Variants in SLC4A4 observed in about 807,000 individuals in gnomAD.
SLC4A4 encodes electrogenic sodium bicarbonate cotransporter 1.
SLC4A4 carries 27 observed loss-of-function variants against 111.5 expected under a neutral mutation model. That is an observed-to-expected ratio of 0.24 (90% confidence interval 0.18 to 0.33). The LOEUF (loss-of-function observed/expected upper bound fraction) is 0.33, where lower values mean the gene tolerates loss of function less well. Ranked by LOEUF, SLC4A4 falls within the 10% of genes least tolerant of loss-of-function variation. SLC4A4 has a pLI of 1.00. For synonymous variants in SLC4A4, 443 were observed against 463.4 expected (o/e 0.96, Z 0.57); for missense variants, 909 against 1,315.5 (o/e 0.69, Z 4.78).
At chr4:71,238,110 G>T (rs1481500839) in intron 2 of SLC4A4, among the ~76,000 whole-genome samples, 5 of 152,172 alleles carry the variant, frequency 3.3e-5, no homozygotes, top group Non-Finnish European at 7.4e-5. Flanking sequence ...AAGAAATAAT[G>T]TAGCTTTGAG....
At chr4:71,334,342 C>T (rs1728257630) in intron 3 of SLC4A4, among the ~76,000 whole-genome samples, 1 of 152,068 alleles carries the variant, frequency 6.6e-6, no homozygotes, top group Admixed American at 6.6e-5. Flanking sequence ...GGCCTTAAGA[C>T]TCTGCCTAGT....
rs147871593 is a variant in SLC4A4, at chr4:71,236,998, A to G, written c.73+349A>G. ...AAAGCTGCTCGATTTATATAAATATATTCAGCAGCATCTTTAATATTCTTT... is the reference window on the plus strand; with the variant it reads ...AAAGCTGCTCGATTTATATAAATATGTTCAGCAGCATCTTTAATATTCTTT... On this transcript the variant is annotated intron_variant, in intron 2 of 25. Transcript: ENST00000264485. Among the ~76,000 whole-genome samples, 585 of 152,368 alleles carry G rather than the reference A, an allele frequency of 3.8e-3. 2 individuals are homozygous for G. Among genetic ancestry groups the G allele is most frequent in the African/African-American group, 0.01 (435 of 41,588 alleles).
chr4:71,183,234 C>T (rs1361019584), upstream of SLC4A4, among the ~76,000 whole-genome samples: 2 of 152,094 alleles, frequency 1.3e-5, no homozygotes, highest in Non-Finnish European at 2.9e-5. Context: ...AGTTAGAACC[C>T]TCTACTGATA....
At chr4:71,566,440 C>T (rs1410823268) in intron 24 of SLC4A4, among the ~76,000 whole-genome samples, 2 of 151,490 alleles carry the variant, frequency 1.3e-5, no homozygotes, top group Admixed American at 6.6e-5. Flanking sequence ...AGTTTATGTG[C>T]CATTTGCCCT....
intron 2 of SLC4A4, among the ~76,000 whole-genome samples, chr4:71,094,669 T>A (rs1048699703): frequency 6.6e-6 from 1 of 152,254 alleles, no homozygotes; most frequent in Non-Finnish European, 1.5e-5. Context: ...ACATGCAGTA[T>A]GGCTAATAAA....
Position 71,546,446 on chromosome 4 carries a change from A to G in SLC4A4, c.2539A>G (p.Ile847Val). The G allele has an allele frequency of 6.2e-7, 1 of 1,612,848 alleles. No individual in the cohort carries two copies. The highest frequency in any genetic ancestry group is 8.5e-7 in the Non-Finnish European group (1 of 1,179,186). Residue 847 changes from isoleucine (I) to valine (V), a missense_variant, in exon 19 of 26, where the codon ATC (isoleucine) becomes GTC (valine). Coordinates refer to ENST00000264485, the MANE Select transcript of SLC4A4 (RefSeq NM_001098484.3). ...ALPWYVAATV[I>V]SIAHIDSLKM... Reference sequence around the variant, plus strand: ...TCCGTGGTATGTAGCTGCTACGGTCATCTCCATTGCTCACATCGACAGTTT... The same window carrying G: ...TCCGTGGTATGTAGCTGCTACGGTCGTCTCCATTGCTCACATCGACAGTTT...
At chr4:71,478,937 T>A (rs1439036882) in intron 14 of SLC4A4, among the ~76,000 whole-genome samples, 1 of 151,786 alleles carries the variant, frequency 6.6e-6, no homozygotes, top group Non-Finnish European at 1.5e-5. Context: ...ATTTGCCTAA[T>A]GTGTAAATCT....
chr4:71,215,209 T>C (rs1328900011), intron 1 of SLC4A4, among the ~76,000 whole-genome samples: 1 of 152,186 alleles, frequency 6.6e-6, no homozygotes, highest in African/African-American at 2.4e-5. Context: ...TAGTACAGGG[T>C]AGACTAAAAC....
chr4:71,532,879 C>T (rs1306890012), intron 17 of SLC4A4, among the ~76,000 whole-genome samples: 1 of 152,052 alleles, frequency 6.6e-6, no homozygotes, highest in Admixed American at 6.6e-5. Flanking sequence ...ACCTACCACA[C>T]GCATGTATAT....
At chr4:71,234,245 T>A (rs2149035232) in intron 1 of SLC4A4, among the ~76,000 whole-genome samples, 1 of 152,372 alleles carries the variant, frequency 6.6e-6, no homozygotes, top group Admixed American at 6.5e-5. Flanking sequence ...GTTCATCTAT[T>A]CAGTATTAAT....
chr4:71,379,407 A>G (rs1717871098), intron 6 of SLC4A4, among the ~76,000 whole-genome samples: 1 of 152,072 alleles, frequency 6.6e-6, no homozygotes, highest in Non-Finnish European at 1.5e-5. Flanking sequence ...TCACTTATTC[A>G]TGCTGTTCCA....
At chr4:71,339,335 G>A in intron 3 of SLC4A4, 35 bp from the exon 4 acceptor site, 1 of 1,614,210 alleles carries the variant, frequency 6.2e-7, no homozygotes, top group South Asian at 1.1e-5. Context: ...GGGTTGTCCA[G>A]CCAATGTTTA....
intron 2 of SLC4A4, among the ~76,000 whole-genome samples, chr4:71,168,255 C>G (rs193237602): frequency 7.3e-6 from 1 of 137,282 alleles, no homozygotes; most frequent in Non-Finnish European, 1.5e-5. Context: ...AATCTCGGTT[C>G]ACCGTAACCT....
chr4:71,397,896 TA>T (rs1467945986), intron 7 of SLC4A4, among the ~76,000 whole-genome samples: 3 of 152,222 alleles, frequency 2.0e-5, no homozygotes, highest in Non-Finnish European at 4.4e-5. Context: ...CTTAAAGCAA[TA>T]GTTGTCTCAG....
chr4:71,206,269 G>T (rs2149007449), intron 1 of SLC4A4, among the ~76,000 whole-genome samples: 1 of 148,120 alleles, frequency 6.8e-6, no homozygotes, highest in Non-Finnish European at 1.5e-5. Flanking sequence ...AAGACCAAAA[G>T]ACTAGGGTAT....
chr4:71,150,287 A>C (rs1744280306), intron 2 of SLC4A4, among the ~76,000 whole-genome samples: 1 of 152,070 alleles, frequency 6.6e-6, no homozygotes, highest in Non-Finnish European at 1.5e-5. Context: ...AATGGGTGAA[A>C]TAGCAACTGG....
At chr4:71,323,205 A>G (rs1298347831) in intron 3 of SLC4A4, among the ~76,000 whole-genome samples, 1 of 152,022 alleles carries the variant, frequency 6.6e-6, no homozygotes, top group African/African-American at 2.4e-5. Flanking sequence ...ATTTTAGAAA[A>G]TTTAGAACTT....
intron 25 of SLC4A4, among the ~76,000 whole-genome samples, chr4:71,567,417 A>G (rs1380029465): frequency 2.0e-5 from 3 of 151,696 alleles, no homozygotes; most frequent in Non-Finnish European, 4.4e-5. Context: ...TTCCCTCTTA[A>G]TGAAGTTCTA....
chr4:71,368,590 G>A (rs1731558115), intron 6 of SLC4A4, among the ~76,000 whole-genome samples: 1 of 152,188 alleles, frequency 6.6e-6, no homozygotes, highest in African/African-American at 2.4e-5. Flanking sequence ...TCATAAGAAA[G>A]CTGCTTACTA....
Sources: allele counts gnomAD v4.1 joint callset (sites outside exome capture counted in the v4.1 genomes callset), GRCh38; gene constraint gnomAD v4.1.1; transcripts MANE v1.5; gene names NCBI Gene and HGNC (gene_info 2026-07-23, HGNC 2026-07-21).